CARMIL1: variants seen among roughly 807,000 people sequenced by gnomAD.
The protein encoded by CARMIL1 is capping protein regulator and myosin 1 linker 1.
CARMIL1 carries 90 observed loss-of-function variants against 177.1 expected under a neutral mutation model. The ratio of observed to expected loss-of-function variants is 0.51; its 90% confidence interval spans 0.43 to 0.61. The LOEUF is 0.61. Ranked by LOEUF, CARMIL1 falls within the 20% of genes least tolerant of loss-of-function variation. CARMIL1 has a pLI of 0.00. For synonymous variants in CARMIL1, 577 were observed against 606.2 expected, an observed-to-expected ratio of 0.95 and a Z score of 0.71; for missense variants, 1,380 against 1,667.0, an observed-to-expected ratio of 0.83 and a Z score of 3.00.
intron 2 of CARMIL1, among the ~76,000 whole-genome samples, chr6:25,289,158 A>G (rs957054986): frequency 2.0e-5 from 3 of 152,160 alleles, no homozygotes; most frequent in Admixed American, 2.0e-4. Flanking sequence ...TCCTTTAGCC[A>G]TGTTTTTTAA....
intron 2 of CARMIL1, among the ~76,000 whole-genome samples, chr6:25,336,532 T>G (rs2150306085): frequency 6.6e-6 from 1 of 152,316 alleles, no homozygotes; most frequent in East Asian, 1.9e-4. Flanking sequence ...GGGCTTCAGC[T>G]CTCATCTCTA....
intron 9 of CARMIL1, among the ~76,000 whole-genome samples, chr6:25,468,982 A>C (rs774767960): frequency 6.6e-6 from 1 of 152,216 alleles, no homozygotes; most frequent in Non-Finnish European, 1.5e-5. Flanking sequence ...CTAAGTAATC[A>C]CTTTTTATCA....
At chr6:25,358,675 A>G (rs1788883007) in intron 2 of CARMIL1, among the ~76,000 whole-genome samples, 1 of 152,230 alleles carries the variant, frequency 6.6e-6, no homozygotes, top group Non-Finnish European at 1.5e-5. Flanking sequence ...GTGAATCCCC[A>G]TACTCTATGA....
chr6:25,456,720 G>T lies in CARMIL1; in HGVS notation c.614+6009G>T, dbSNP rs535607224. Among the ~76,000 whole-genome samples, 77 of 152,214 alleles carry T rather than the reference G, an allele frequency of 5.1e-4. 1 individual carries two copies. Among genetic ancestry groups the T allele is most frequent in the Admixed American group, 8.5e-4 (13 of 15,294 alleles). ...GAAAATATATAGCTTTAACTACATCGATTTCTCGTGTTCCTGACAGATTTT... is the reference window on the plus strand; with the variant it reads ...GAAAATATATAGCTTTAACTACATCTATTTCTCGTGTTCCTGACAGATTTT... On this transcript the variant is annotated intron_variant, in intron 8 of 36. Coordinates refer to ENST00000329474, the MANE Select transcript of CARMIL1 (RefSeq NM_017640.6).
At chr6:25,357,408 C>T (rs79441875) in intron 2 of CARMIL1, among the ~76,000 whole-genome samples, 7,919 of 152,144 alleles carry the variant, frequency 0.052, 272 homozygotes, top group Non-Finnish European at 0.087. Flanking sequence ...ATGGCAAAAC[C>T]TCATCTCTAG....
chr6:25,466,052 A>G (rs983281956), intron 9 of CARMIL1, 104 bp downstream of exon 9: 1 of 734,592 alleles, frequency 1.4e-6, no homozygotes, highest in South Asian at 1.7e-5. Flanking sequence ...AGTAAGCTGT[A>G]TACATTTTAT....
rs191890768 is a variant in CARMIL1, at chr6:25,480,962, C to T, written c.875-1295C>T. Among the ~76,000 whole-genome samples the T allele has an allele frequency of 1.1e-3, 170 of 151,894 alleles. 1 individual carries two copies. Among genetic ancestry groups the T allele is most frequent in the Middle Eastern group, 3.4e-3 (1 of 294 alleles). Reference sequence around the variant, plus strand: ...GTCTCGATCTCCTGACCTTGTGATCCGCCCTCCTCGGCCTCCCAAAGTGCT... The same window carrying T: ...GTCTCGATCTCCTGACCTTGTGATCTGCCCTCCTCGGCCTCCCAAAGTGCT... On this transcript the variant is annotated intron_variant, in intron 11 of 36. Transcript: ENST00000329474.
intron 5 of CARMIL1, among the ~76,000 whole-genome samples, chr6:25,443,985 T>G (rs1354796236): frequency 6.6e-6 from 1 of 152,130 alleles, no homozygotes; most frequent in Non-Finnish European, 1.5e-5. Context: ...GTGTTTTTAG[T>G]AGAGATGGGG....
intron 29 of CARMIL1, among the ~76,000 whole-genome samples, chr6:25,574,543 A>C (rs1812411755): frequency 6.6e-6 from 1 of 152,198 alleles, no homozygotes. Flanking sequence ...CACTACTAAC[A>C]ATCTCAAGCT....
At position 25,510,511 on chromosome 6, in the gene CARMIL1, A is replaced by C; in HGVS notation, c.1482A>C (p.Leu494Phe). 6.5e-7 allele frequency: 1 copy of C among 1,534,840 alleles called. No individual in the cohort carries two copies. Among genetic ancestry groups the C allele is most frequent in the Non-Finnish European group, 8.8e-7 (1 of 1,134,574 alleles). ...ITSLDISDNG[L>F]ESDLSTLIVW... ...ACTTACTCTGATTCTTTCCAGGTTTAGAATCTGACCTATCTACCTTAATAG... is the reference window on the plus strand; with the variant it reads ...ACTTACTCTGATTCTTTCCAGGTTTCGAATCTGACCTATCTACCTTAATAG... The change falls in exon 19 of 37, where the codon TTA becomes TTC. Residue 494 changes from leucine to phenylalanine, a missense_variant. Coordinates refer to ENST00000329474, the MANE Select transcript of CARMIL1 (RefSeq NM_017640.6).
chr6:25,309,963 C>T (rs2690118), intron 2 of CARMIL1, among the ~76,000 whole-genome samples: 108,132 of 151,490 alleles, frequency 0.71, 39,121 homozygotes, highest in African/African-American at 0.83. Flanking sequence ...AGAGGTGGGG[C>T]TTCACCTCCT....
At chr6:25,331,032 TC>T (rs986624015) in intron 2 of CARMIL1, among the ~76,000 whole-genome samples, 6 of 152,066 alleles carry the variant, frequency 3.9e-5, no homozygotes, top group Admixed American at 3.9e-4. Flanking sequence ...TAATATTGTT[TC>T]TATGGGAAAT....
chr6:25,311,066 CA>C (rs56371497), intron 2 of CARMIL1, among the ~76,000 whole-genome samples: 31,426 of 151,660 alleles, frequency 0.21, 4,161 homozygotes, highest in East Asian at 0.4. Context: ...CCTGTAATAC[CA>C]GCCACTCGGG....
At chr6:25,481,846 A>G (rs1165653410) in intron 11 of CARMIL1, among the ~76,000 whole-genome samples, 7 of 152,222 alleles carry the variant, frequency 4.6e-5, no homozygotes. Context: ...ATATTACTCC[A>G]TTCTTCTTGG....
At chr6:25,316,833 T>A (rs1308926136) in intron 2 of CARMIL1, among the ~76,000 whole-genome samples, 1 of 152,178 alleles carries the variant, frequency 6.6e-6, no homozygotes, top group African/African-American at 2.4e-5. Context: ...GCCTGCAGAT[T>A]AGCCAGAGGG....
chr6:25,360,238 T>C lies in CARMIL1; in HGVS notation c.139-59876T>C, dbSNP rs377089813. 5.9e-5 allele frequency among the ~76,000 whole-genome samples: 9 copies of C among 152,310 alleles called. No homozygotes were observed. In the East Asian group the frequency reaches 1.2e-3, roughly 20 times the overall value. ...AGGCTTCTCCCTCCTTCCATCAGTT[T>C]TAAAAGGAATTTAGAAAAATCACTA... On this transcript the variant is annotated intron_variant, in intron 2 of 36. Coordinates refer to ENST00000329474, the MANE Select transcript of CARMIL1 (RefSeq NM_017640.6).
chr6:25,298,169 T>A (rs1190346514), intron 2 of CARMIL1, among the ~76,000 whole-genome samples: 1 of 152,232 alleles, frequency 6.6e-6, no homozygotes, highest in Non-Finnish European at 1.5e-5. Flanking sequence ...TAGTAAGTCA[T>A]GAGTAAGTCT....
At chr6:25,322,588 T>C (rs1784776160) in intron 2 of CARMIL1, among the ~76,000 whole-genome samples, 2 of 152,212 alleles carry the variant, frequency 1.3e-5, no homozygotes, top group African/African-American at 4.8e-5. Flanking sequence ...TTTCTGAGCT[T>C]GTAACCTTCC....
intron 4 of CARMIL1, 66 bp from the exon 5 acceptor site, chr6:25,435,417 T>C (rs1387882446): frequency 3.0e-5 from 45 of 1,499,808 alleles, no homozygotes; most frequent in Non-Finnish European, 3.8e-5. Flanking sequence ...GTTTACAATA[T>C]TTAAAATAAT....
Sources: allele counts gnomAD v4.1 joint callset (sites outside exome capture counted in the v4.1 genomes callset), GRCh38; gene constraint gnomAD v4.1.1; transcripts MANE v1.5; gene names NCBI Gene and HGNC (gene_info 2026-07-23, HGNC 2026-07-21).